The following MCPH1 variants were observed in gnomAD, a reference collection of about 807,000 sequenced individuals.
MCPH1 encodes the protein microcephalin 1.
MCPH1 carries 104 observed loss-of-function variants against 84.5 expected under a neutral mutation model. That is an observed-to-expected ratio of 1.23 (90% CI 1.05 to 1.45). MCPH1 has a LOEUF of 1.45. Ranked by LOEUF, MCPH1 falls within the 40% of genes most tolerant of loss-of-function variation. The probability of loss-of-function intolerance (pLI) is 0.00; values close to 1 mark genes in which losing one functional copy is unlikely to be tolerated. For synonymous variants in MCPH1, 514 were observed against 366.8 expected, an observed-to-expected ratio of 1.40 and a Z score of -4.58; for missense variants, 1,498 against 1,005.7, an observed-to-expected ratio of 1.49 and a Z score of -6.62.
At chr8:6,530,705 A>T (rs1819329642) in intron 12 of MCPH1, among the ~76,000 whole-genome samples, 1 of 151,984 alleles carries the variant, frequency 6.6e-6, no homozygotes. Context: ...AACTGTTGTG[A>T]TATTGTGGAA....
intron 12 of MCPH1, among the ~76,000 whole-genome samples, chr8:6,573,264 G>T (rs1826811809): frequency 6.6e-6 from 1 of 152,086 alleles, no homozygotes. Flanking sequence ...CTTAGAGGAG[G>T]TGTGAGTAGA....
chr8:6,612,136 C>G (rs1190763426), intron 12 of MCPH1, among the ~76,000 whole-genome samples: 3 of 152,152 alleles, frequency 2.0e-5, no homozygotes, highest in Non-Finnish European at 4.4e-5. Context: ...TGATGAAGGA[C>G]GTTCTTCTGC....
intron 12 of MCPH1, among the ~76,000 whole-genome samples, chr8:6,565,356 AT>A (rs1554456873): frequency 6.6e-6 from 1 of 152,172 alleles, no homozygotes; most frequent in Non-Finnish European, 1.5e-5. Flanking sequence ...ATAGGGTACA[AT>A]TTTTTTATTT....
intron 12 of MCPH1, among the ~76,000 whole-genome samples, chr8:6,565,524 T>G (rs1826078298): frequency 6.6e-6 from 1 of 152,210 alleles, no homozygotes; most frequent in Admixed American, 6.5e-5. Context: ...CCTCCCAAAG[T>G]GCTGGGATCA....
chr8:6,428,479 G>A (rs1024515215), intron 3 of MCPH1, among the ~76,000 whole-genome samples: 4 of 152,072 alleles, frequency 2.6e-5, no homozygotes, highest in South Asian at 2.1e-4. Context: ...AAACATTTTC[G>A]TCACCTCAAA....
At chr8:6,426,447 G>T (rs557583909) in intron 3 of MCPH1, among the ~76,000 whole-genome samples, 1 of 152,280 alleles carries the variant, frequency 6.6e-6, no homozygotes, top group Admixed American at 6.5e-5. Flanking sequence ...ATCATCCAGC[G>T]TGTACTATTT....
At chr8:6,492,237 GCA>G (rs1443906879) in intron 11 of MCPH1, among the ~76,000 whole-genome samples, 1 of 152,166 alleles carries the variant, frequency 6.6e-6, no homozygotes, top group Non-Finnish European at 1.5e-5. Flanking sequence ...GTGATGATGC[GCA>G]TGTTTTCATG....
At chr8:6,607,162 G>A (rs1217172104) in intron 12 of MCPH1, among the ~76,000 whole-genome samples, 3 of 152,272 alleles carry the variant, frequency 2.0e-5, no homozygotes, top group Non-Finnish European at 4.4e-5. Context: ...CTCCCCTGGG[G>A]CAGGTTATAA....
intron 12 of MCPH1, among the ~76,000 whole-genome samples, chr8:6,574,358 C>T (rs1041311953): frequency 3.3e-5 from 5 of 151,936 alleles, no homozygotes; most frequent in Non-Finnish European, 5.9e-5. Flanking sequence ...TCTACACGGC[C>T]GTCTTTTTAT....
chr8:6,580,708 C>T (rs550961556), intron 12 of MCPH1, among the ~76,000 whole-genome samples: 15 of 152,158 alleles, frequency 9.9e-5, no homozygotes, highest in Admixed American at 7.9e-4. Context: ...GAGAAGGACT[C>T]GGACAAATGT....
At chr8:6,473,279 G>C (rs1439426981) in intron 9 of MCPH1, among the ~76,000 whole-genome samples, 1 of 136,090 alleles carries the variant, frequency 7.3e-6, no homozygotes, top group East Asian at 2.2e-4. Flanking sequence ...TATTAATTCT[G>C]TAGCAATTTA....
At chr8:6,434,427 C>T (rs975111836) in intron 4 of MCPH1, among the ~76,000 whole-genome samples, 7 of 152,190 alleles carry the variant, frequency 4.6e-5, no homozygotes, top group African/African-American at 1.7e-4. Flanking sequence ...CTATAAAGCA[C>T]CACTGTCTAA....
At chr8:6,641,806 T>G (rs1797955351) in intron 13 of MCPH1, among the ~76,000 whole-genome samples, 2 of 152,224 alleles carry the variant, frequency 1.3e-5, no homozygotes, top group Non-Finnish European at 2.9e-5. Flanking sequence ...GAGAATTAAG[T>G]AGTATGCCTA....
chr8:6,491,242 A>G (rs1024139308), intron 11 of MCPH1, among the ~76,000 whole-genome samples: 2 of 151,514 alleles, frequency 1.3e-5, no homozygotes, highest in Non-Finnish European at 2.9e-5. Context: ...CATACAATTA[A>G]AGTATTTCTG....
At chr8:6,474,067 A>T (rs770751169) in intron 9 of MCPH1, 2 of 796,664 alleles carry the variant, frequency 2.5e-6, no homozygotes, top group Non-Finnish European at 4.5e-6. Context: ...ATATGTTGGC[A>T]TCTATTCTCA....
intron 12 of MCPH1, among the ~76,000 whole-genome samples, chr8:6,524,949 A>C (rs2515457): frequency 0.069 from 10,562 of 152,240 alleles, 426 homozygotes; most frequent in African/African-American, 0.1. Context: ...ACAAGGGCAG[A>C]CACCCTGCTG....
In MCPH1 at chr8:6,635,233, T is replaced by G. The variant is rs117383013; in HGVS notation, c.2453-7761T>G. The G allele has an allele frequency of 3.3e-5, 5 of 152,078 alleles. No individual in the cohort carries two copies. The East Asian group carries it at 7.7e-4, about 23-fold the overall frequency. 9.4% of individuals were successfully genotyped at this position (152,078 alleles called of 1,614,324 possible). A position where few individuals can be genotyped will look rare whatever the true frequency, so the allele number is the denominator to read the frequency against. The stretch of plus-strand genomic sequence containing the variant: ...TTCATTTCATTGACTGTTGGGGAAA[T>G]AGCCAGAATGGTTCTGAATCAAGGT... On this transcript the variant is annotated intron_variant, in intron 13 of 13. Transcript: ENST00000344683.
chr8:6,443,949 T>C (rs891542369), intron 7 of MCPH1, among the ~76,000 whole-genome samples: 2 of 152,210 alleles, frequency 1.3e-5, no homozygotes, highest in Non-Finnish European at 1.5e-5. Flanking sequence ...ACGAGGACTT[T>C]ACTGGAAGAC....
chr8:6,640,073 TGTGTGTGTGTGTGTGTGTGTGTGTGC>T (rs1797832028), intron 13 of MCPH1, among the ~76,000 whole-genome samples: 1 of 143,062 alleles, frequency 7.0e-6, no homozygotes, highest in African/African-American at 2.8e-5. Flanking sequence ...TGTGTGTGTG[TGTGTGTGTGTGTGTGTGTGTGTGTGC>T]GCGCGCGTGT....
Sources: gnomAD v4.1 joint callset for allele counts (sites outside exome capture counted in the v4.1 genomes callset) on GRCh38, gnomAD v4.1.1 for gene constraint, MANE v1.5 for transcripts, NCBI Gene and HGNC (gene_info 2026-07-23, HGNC 2026-07-21) for gene names.